Variants in NAV3 observed in about 807,000 individuals in gnomAD.
NAV3 encodes neuron navigator 3.
Under a neutral mutation model 244.7 loss-of-function variants are expected in NAV3, and 87 were observed. The observed-to-expected ratio is 0.36, with a 90% CI of 0.30 to 0.42. The LOEUF is 0.42. Ranked by LOEUF, NAV3 falls within the 20% of genes least tolerant of loss-of-function variation. The pLI, the probability that NAV3 is intolerant of heterozygous loss-of-function variation, is 1.00. For missense variants in NAV3, 2,663 were observed against 2,893.3 expected, an observed-to-expected ratio of 0.92 and a Z score of 1.83; for synonymous variants, 1,126 against 1,042.2, an observed-to-expected ratio of 1.08 and a Z score of -1.55.
intron 1 of NAV3, among the ~76,000 whole-genome samples, chr12:77,861,334 C>CT (rs1879232418): frequency 6.6e-6 from 1 of 151,756 alleles, no homozygotes; most frequent in African/African-American, 2.4e-5. Flanking sequence ...TTTGTCTAGT[C>CT]TTCTCTATTA....
At chr12:78,102,547 A>G (rs959444498) in intron 12 of NAV3, among the ~76,000 whole-genome samples, 1 of 152,174 alleles carries the variant, frequency 6.6e-6, no homozygotes, top group Non-Finnish European at 1.5e-5. Flanking sequence ...CTCTTCTCAT[A>G]GCTCCACTAG....
At chr12:78,078,921 A>G (rs1170389783) in intron 12 of NAV3, among the ~76,000 whole-genome samples, 1 of 152,232 alleles carries the variant, frequency 6.6e-6, no homozygotes, top group Admixed American at 6.5e-5. Context: ...ATCAAATTAT[A>G]AAGACAAATA....
chr12:78,202,883 A>G (rs888027227), intron 38 of NAV3, among the ~76,000 whole-genome samples: 1 of 152,258 alleles, frequency 6.6e-6, no homozygotes, highest in Admixed American at 6.6e-5. Flanking sequence ...ATCCATTCCC[A>G]TGGATTTACT....
chr12:77,747,383 A>G (rs1868603599), intron 2 of NAV3, among the ~76,000 whole-genome samples: 1 of 152,188 alleles, frequency 6.6e-6, no homozygotes. Context: ...TCAGGAAACA[A>G]CAGGTGCTGG....
intron 3 of NAV3, among the ~76,000 whole-genome samples, chr12:77,948,147 A>G (rs1221969167): frequency 6.6e-6 from 1 of 152,072 alleles, no homozygotes; most frequent in Non-Finnish European, 1.5e-5. Context: ...CAGCAACATG[A>G]AATCATTTCG....
At chr12:77,995,582 A>C (rs1872220684) in intron 6 of NAV3, among the ~76,000 whole-genome samples, 1 of 152,146 alleles carries the variant, frequency 6.6e-6, no homozygotes, top group African/African-American at 2.4e-5. Context: ...TCACTGGGGA[A>C]GTATCCAGCA....
chr12:77,828,976 A>G (rs1333871537), upstream of NAV3, among the ~76,000 whole-genome samples: 2 of 152,246 alleles, frequency 1.3e-5, no homozygotes, highest in Non-Finnish European at 2.9e-5. Flanking sequence ...TATTCTAGGC[A>G]AAGGGAAGCA....
At chr12:78,032,150 C>G (rs945972185) in intron 9 of NAV3, among the ~76,000 whole-genome samples, 1 of 152,094 alleles carries the variant, frequency 6.6e-6, no homozygotes, top group African/African-American at 2.4e-5. Flanking sequence ...TGTGCTTACA[C>G]AAATGTGAAA....
intron 1 of NAV3, among the ~76,000 whole-genome samples, chr12:77,836,949 T>A (rs1372849555): frequency 6.6e-6 from 1 of 152,180 alleles, no homozygotes; most frequent in Admixed American, 6.5e-5. Flanking sequence ...TGCTGTTGTG[T>A]TCACACAGAG....
At chr12:77,607,117 G>A (rs1214675432) in intron 2 of NAV3, among the ~76,000 whole-genome samples, 1 of 152,082 alleles carries the variant, frequency 6.6e-6, no homozygotes, top group Non-Finnish European at 1.5e-5. Flanking sequence ...TTTTCTTAAA[G>A]ACGTCTGAAA....
At chr12:77,757,667 T>C (rs575340554) in intron 2 of NAV3, among the ~76,000 whole-genome samples, 1 of 152,190 alleles carries the variant, frequency 6.6e-6, no homozygotes, top group African/African-American at 2.4e-5. Flanking sequence ...ATTTCAGAGA[T>C]GATTTGGACT....
At chr12:78,128,590 C>T in intron 17 of NAV3, 116 bp from the exon 18 acceptor site, 1 of 1,014,694 alleles carries the variant, frequency 9.9e-7, no homozygotes, top group Non-Finnish European at 1.4e-6. Context: ...TAATTAGATT[C>T]AATCTGTTTG....
intron 2 of NAV3, among the ~76,000 whole-genome samples, chr12:77,682,579 A>G (rs747357632): frequency 5.3e-5 from 8 of 152,150 alleles, no homozygotes; most frequent in Non-Finnish European, 8.8e-5. Flanking sequence ...GAACCTATAT[A>G]CTGTTTCCAT....
At chr12:78,162,402 A>T (rs923683393) in intron 23 of NAV3, among the ~76,000 whole-genome samples, 1 of 152,124 alleles carries the variant, frequency 6.6e-6, no homozygotes, top group African/African-American at 2.4e-5. Context: ...AGAATGATAG[A>T]TATAGGTCTA....
intron 3 of NAV3, among the ~76,000 whole-genome samples, chr12:77,959,091 C>T (rs1891632374): frequency 6.6e-6 from 1 of 152,014 alleles, no homozygotes; most frequent in African/African-American, 2.4e-5. Flanking sequence ...ATTCCAGCAA[C>T]GACATGGTAT....
chr12:77,859,631 C>G (rs1327577832), intron 1 of NAV3, among the ~76,000 whole-genome samples: 1 of 136,354 alleles, frequency 7.3e-6, no homozygotes, highest in African/African-American at 2.6e-5. Context: ...AAAAAAAAAT[C>G]AAAGTGAAAA....
At position 77,976,056 on chromosome 12, in the gene NAV3, A is replaced by G. The variant is rs560019874; in HGVS notation, c.671+7354A>G. On this transcript the variant is annotated intron_variant, in intron 5 of 39. Transcript: ENST00000397909. ...AAACTCTAGCATGGATAAGGAGGCT[A>G]TAAAGGTGAGACTGTACGTTATCGA... 3.3e-5 allele frequency among the ~76,000 whole-genome samples: 5 copies of G among 152,352 alleles called. No individual in the cohort carries two copies. In the East Asian group the frequency reaches 9.6e-4, roughly 29 times the overall value.
chr12:77,772,582 T>C (rs1243321134), intron 2 of NAV3, among the ~76,000 whole-genome samples: 2 of 152,196 alleles, frequency 1.3e-5, no homozygotes, highest in South Asian at 2.1e-4. Flanking sequence ...AGGATTTTTA[T>C]ATTTTTATAT....
In NAV3 at chr12:78,122,009, A is replaced by G. The variant is rs766010013; in HGVS notation, c.3819A>G (p.Ser1273=). ...APNTEGVKSS[S]VMPSPSTTLA... The stretch of plus-strand genomic sequence containing the variant: ...ATACTGAGGGTGTGAAATCTTCCTC[A>G]GTAATGCCCAGCCCTAGTACCACAT... Residue 1273 remains serine, a synonymous_variant, in exon 16 of 40, where the codon TCA becomes TCG. Coordinates refer to ENST00000397909, the MANE Select transcript of NAV3 (RefSeq NM_001024383.2). The G allele has an allele frequency of 2.5e-6, 4 of 1,614,230 alleles. No individual in the cohort carries two copies. In the South Asian group the frequency reaches 3.3e-5, roughly 13 times the overall value.
Sources: allele counts gnomAD v4.1 joint callset (sites outside exome capture counted in the v4.1 genomes callset), GRCh38; gene constraint gnomAD v4.1.1; transcripts MANE v1.5; gene names NCBI Gene and HGNC (gene_info 2026-07-23, HGNC 2026-07-21).